The following KLHL1 variants were observed in gnomAD, a reference collection of about 807,000 sequenced individuals.
The protein encoded by KLHL1 is kelch like family member 1, also known as kelch-like protein 1.
Under a neutral mutation model 77.7 loss-of-function variants are expected in KLHL1, and 47 were observed. The ratio of observed to expected loss-of-function variants is 0.60; its 90% CI spans 0.48 to 0.77. The LOEUF is 0.77. Ranked by LOEUF, KLHL1 falls within the 30% of genes least tolerant of loss-of-function variation. The probability of loss-of-function intolerance (pLI) is 0.00; values close to 1 mark genes in which losing one functional copy is unlikely to be tolerated. For synonymous variants in KLHL1, 360 were observed against 325.2 expected, an observed-to-expected ratio of 1.11 and a Z score of -1.15; for missense variants, 925 against 910.8, an observed-to-expected ratio of 1.02 and a Z score of -0.20.
At chr13:69,763,066 GA>G (rs1875103749) in intron 7 of KLHL1, among the ~76,000 whole-genome samples, 1 of 152,062 alleles carries the variant, frequency 6.6e-6, no homozygotes, top group Non-Finnish European at 1.5e-5. Context: ...CTTTTTCCAT[GA>G]TTTGGAATAA....
intron 3 of KLHL1, among the ~76,000 whole-genome samples, chr13:69,942,066 G>T (rs1296890959): frequency 6.6e-6 from 1 of 151,710 alleles, no homozygotes; most frequent in African/African-American, 2.4e-5. Context: ...TATTCTAAAA[G>T]GAAAATCTTA....
intron 1 of KLHL1, among the ~76,000 whole-genome samples, chr13:70,030,090 A>T (rs1886055973): frequency 6.6e-6 from 1 of 152,238 alleles, no homozygotes; most frequent in Non-Finnish European, 1.5e-5. Context: ...ACAGATTCAT[A>T]AAGCAAGTCC....
chr13:69,920,465 C>G (rs181105923), intron 4 of KLHL1, among the ~76,000 whole-genome samples: 1 of 151,992 alleles, frequency 6.6e-6, no homozygotes, highest in East Asian at 1.9e-4. Context: ...AAGAATTTGG[C>G]AAAGTTACTT....
chr13:69,880,770 T>G (rs1339190331), intron 5 of KLHL1, among the ~76,000 whole-genome samples: 2 of 152,124 alleles, frequency 1.3e-5, no homozygotes, highest in South Asian at 4.1e-4. Context: ...ATTCTTGACC[T>G]ACTCTAATAT....
chr13:69,845,241 G>C (rs1879413403), intron 5 of KLHL1, among the ~76,000 whole-genome samples: 1 of 129,554 alleles, frequency 7.7e-6, no homozygotes, highest in Non-Finnish European at 1.7e-5. Context: ...TTCTTTCATA[G>C]TGGAATAGGT....
intron 6 of KLHL1, chr13:69,802,974 C>T (rs1354851559): frequency 6.6e-6 from 1 of 152,104 alleles, no homozygotes; most frequent in Non-Finnish European, 1.5e-5. Context: ...TACAACTAAT[C>T]AATCATAACC....
chr13:69,721,083 C>CTTTATATATATATATATATA (rs1873037485), intron 8 of KLHL1, among the ~76,000 whole-genome samples: 2 of 24,562 alleles, frequency 8.1e-5, no homozygotes, highest in South Asian at 3.6e-3. Flanking sequence ...ATATATAAAG[C>CTTTATATATATATATATATA]TATGTACCTC....
rs56046237 is a variant in KLHL1, at chr13:70,020,850, A to C, written c.498-45048T>G. 4.3e-3 allele frequency among the ~76,000 whole-genome samples: 660 copies of C among 151,778 alleles called. 9 individuals carry two copies. Among genetic ancestry groups the C allele is most frequent in the African/African-American group, 0.015 (613 of 41,384 alleles). ...ATATTCATTTTTGTATGTATTTTCTATTTTTTACTTTATATATACATACTT... is the reference window on the plus strand; with the variant it reads ...ATATTCATTTTTGTATGTATTTTCTCTTTTTTACTTTATATATACATACTT... On this transcript the variant is annotated intron_variant, in intron 1 of 10. Transcript: ENST00000377844.
chr13:70,107,968 C>T lies in KLHL1; in HGVS notation c.-269G>A. The T allele has an allele frequency of 4.5e-6, 2 of 443,726 alleles. No individual in the cohort carries two copies. Among genetic ancestry groups the T allele is most frequent in the South Asian group, 6.6e-5 (1 of 15,236 alleles). The allele number at this position is 443,726 out of a possible 1,614,324, so 27.5% of individuals were successfully genotyped here. The stretch of plus-strand genomic sequence containing the variant: ...CAGGAGCAGAGGCAGGACTGGGACG[C>T]CAAAAGCTGAGAATCCTCGATGCCC... On this transcript the variant is annotated 5_prime_UTR_variant, in exon 1 of 11. Coordinates refer to ENST00000377844, the MANE Select transcript of KLHL1 (RefSeq NM_020866.3).
At chr13:69,795,999 C>T (rs909127000) in intron 7 of KLHL1, among the ~76,000 whole-genome samples, 2 of 152,128 alleles carry the variant, frequency 1.3e-5, no homozygotes, top group African/African-American at 4.8e-5. Context: ...CTATTTTTCC[C>T]TCTGGGTTGC....
intron 1 of KLHL1, among the ~76,000 whole-genome samples, chr13:70,014,465 T>A (rs1163863315): frequency 6.6e-6 from 1 of 152,116 alleles, no homozygotes; most frequent in Non-Finnish European, 1.5e-5. Context: ...TCCAATAGCA[T>A]TTATCAGATG....
intron 1 of KLHL1, among the ~76,000 whole-genome samples, chr13:70,034,629 GA>G (rs952903871): frequency 6.6e-6 from 1 of 152,088 alleles, no homozygotes; most frequent in Non-Finnish European, 1.5e-5. Flanking sequence ...TTTTTTATCA[GA>G]AAAAAATGAT....
intron 5 of KLHL1, among the ~76,000 whole-genome samples, chr13:69,876,592 G>A (rs1354828177): frequency 6.6e-6 from 1 of 152,078 alleles, no homozygotes; most frequent in East Asian, 1.9e-4. Flanking sequence ...TTCATTGCAA[G>A]CTTTTTTCTT....
intron 8 of KLHL1, among the ~76,000 whole-genome samples, chr13:69,739,432 G>A (rs1004741260): frequency 4.6e-5 from 7 of 152,112 alleles, no homozygotes; most frequent in Non-Finnish European, 1.0e-4. Flanking sequence ...TGGGCTAAAT[G>A]CCCCAATTAA....
chr13:69,811,892 C>T (rs1001512541), intron 6 of KLHL1, among the ~76,000 whole-genome samples: 3 of 152,066 alleles, frequency 2.0e-5, no homozygotes, highest in Non-Finnish European at 2.9e-5. Flanking sequence ...TTTTTTGTGT[C>T]TCTATCTCCT....
At chr13:69,983,948 T>C (rs1313724267) in intron 1 of KLHL1, among the ~76,000 whole-genome samples, 1 of 151,912 alleles carries the variant, frequency 6.6e-6, no homozygotes, top group Admixed American at 6.6e-5. Context: ...GAAAACTGGA[T>C]ATTCACATGC....
At chr13:70,044,579 C>T (rs1364967684) in intron 1 of KLHL1, among the ~76,000 whole-genome samples, 1 of 151,824 alleles carries the variant, frequency 6.6e-6, no homozygotes, top group South Asian at 2.1e-4. Flanking sequence ...AAGATACATG[C>T]CTTGGTGTGA....
At chr13:69,760,665 A>C (rs1874978305) in intron 7 of KLHL1, among the ~76,000 whole-genome samples, 1 of 152,022 alleles carries the variant, frequency 6.6e-6, no homozygotes, top group Admixed American at 6.6e-5. Flanking sequence ...ACAAGATTTA[A>C]ATTTTATCAT....
intron 4 of KLHL1, among the ~76,000 whole-genome samples, chr13:69,893,401 AT>A (rs1251208327): frequency 1.5e-4 from 23 of 151,702 alleles, no homozygotes; most frequent in African/African-American, 4.1e-4. Context: ...CGCCTGGCTA[AT>A]TTTTTGTATT....
Sources: gnomAD v4.1 joint callset for allele counts (sites outside exome capture counted in the v4.1 genomes callset) on GRCh38, gnomAD v4.1.1 for gene constraint, MANE v1.5 for transcripts, NCBI Gene and HGNC (gene_info 2026-07-23, HGNC 2026-07-21) for gene names.